APBA1: variants seen among roughly 807,000 people sequenced by gnomAD.
The protein encoded by APBA1 is amyloid-beta A4 precursor protein-binding family A member 1.
In APBA1, 55 loss-of-function variants were observed where a neutral mutation model predicts 86.6. That is an observed-to-expected ratio of 0.64 (90% CI 0.51 to 0.80). The LOEUF is 0.80. Ranked by LOEUF, APBA1 falls within the 30% of genes least tolerant of loss-of-function variation. The pLI is 0.00. For synonymous variants in APBA1, 511 were observed against 493.9 expected (o/e 1.03, Z -0.46); for missense variants, 1,090 against 1,183.0 (o/e 0.92, Z 1.15).
At chr9:69,573,241 G>A (rs1837145392) in intron 1 of APBA1, among the ~76,000 whole-genome samples, 1 of 151,954 alleles carries the variant, frequency 6.6e-6, no homozygotes, top group Non-Finnish European at 1.5e-5. Flanking sequence ...CAGCACTTTG[G>A]GAGGCCAAGG....
chr9:69,593,999 T>C lies in APBA1; in HGVS notation c.-69-76720A>G, dbSNP rs1427395996. Reference sequence around the variant, plus strand: ...TACATTTGCATAACAGCAGAGGCGTTGGATCTTCTGGCGTTAGATTCCGTA... The same window carrying C: ...TACATTTGCATAACAGCAGAGGCGTCGGATCTTCTGGCGTTAGATTCCGTA... On this transcript the variant is annotated intron_variant, in intron 1 of 12. Coordinates refer to ENST00000265381, the MANE Select transcript of APBA1 (RefSeq NM_001163.4). 4.6e-5 allele frequency among the ~76,000 whole-genome samples: 7 copies of C among 152,216 alleles called. No individual in the cohort carries two copies. The East Asian group carries it at 1.2e-3, about 25-fold the overall frequency.
chr9:69,613,984 G>A (rs970197580), intron 1 of APBA1, among the ~76,000 whole-genome samples: 3 of 152,042 alleles, frequency 2.0e-5, no homozygotes, highest in Non-Finnish European at 4.4e-5. Flanking sequence ...GACCTAAGAC[G>A]TAAAGATTTT....
rs866091501 is a variant in APBA1, at chr9:69,558,561, C to T, written c.-69-41282G>A. Among the ~76,000 whole-genome samples the T allele has an allele frequency of 4.4e-3, 632 of 142,834 alleles. 2 individuals carry two copies. The highest frequency in any genetic ancestry group is 0.016 in the African/African-American group (573 of 35,894). 93.7% of individuals were successfully genotyped at this position (142,834 alleles called of 152,430 possible). ...ACACACACATACACACACACACACA[C>T]ATATATATATATATATATATACACA... On this transcript the variant is annotated intron_variant, in intron 1 of 12. Transcript: ENST00000265381.
intron 10 of APBA1, 68 bp downstream of exon 10, chr9:69,449,516 G>T: frequency 7.2e-7 from 1 of 1,381,804 alleles, no homozygotes; most frequent in Non-Finnish European, 1.0e-6. Flanking sequence ...ATTAATGACT[G>T]GATGGGGGTC....
chr9:69,527,979 G>A (rs1836369357), intron 1 of APBA1, among the ~76,000 whole-genome samples: 1 of 152,044 alleles, frequency 6.6e-6, no homozygotes, highest in Non-Finnish European at 1.5e-5. Context: ...CAAATATCAA[G>A]TATATCCCTA....
intron 10 of APBA1, among the ~76,000 whole-genome samples, chr9:69,444,509 A>C (rs1834876602): frequency 6.6e-6 from 1 of 151,964 alleles, no homozygotes; most frequent in Admixed American, 6.6e-5. Context: ...CCCTTCTCCC[A>C]CCTCAATTTC....
intron 2 of APBA1, among the ~76,000 whole-genome samples, chr9:69,490,068 A>C (rs1316956864): frequency 6.6e-6 from 1 of 152,138 alleles, no homozygotes; most frequent in Non-Finnish European, 1.5e-5. Context: ...AAGACTTGGA[A>C]CCAACCCAAA....
rs1435796950 is a variant in APBA1 at position 69,561,645 on chromosome 9, T to TC, written c.-69-44367dup. Among the ~76,000 whole-genome samples, 8 of 151,284 alleles carry TC rather than the reference T, an allele frequency of 5.3e-5. No individual in the cohort carries two copies. In the East Asian group the frequency reaches 1.5e-3, roughly 29 times the overall value. ...TATCTACAGGATTTTTTTTTTTTTT[T>TC]CTGAAACAGAGACTCACTGTGTTGC... is the stretch of plus-strand genomic sequence containing the variant. On this transcript the variant is annotated intron_variant, in intron 1 of 12. Transcript: ENST00000265381.
chr9:69,628,182 T>A (rs1448757832), intron 1 of APBA1, among the ~76,000 whole-genome samples: 1 of 152,140 alleles, frequency 6.6e-6, no homozygotes, highest in Non-Finnish European at 1.5e-5. Flanking sequence ...AGCTAAGTCC[T>A]CAGTCATACA....
intron 1 of APBA1, among the ~76,000 whole-genome samples, chr9:69,573,773 C>T (rs1176130326): frequency 6.6e-6 from 1 of 152,206 alleles, no homozygotes; most frequent in African/African-American, 2.4e-5. Context: ...CTTGGAGGGG[C>T]CTCTGCTGGG....
intron 1 of APBA1, among the ~76,000 whole-genome samples, chr9:69,548,738 A>G (rs978083718): frequency 2.0e-5 from 3 of 152,238 alleles, no homozygotes; most frequent in Non-Finnish European, 4.4e-5. Context: ...TTGGTCACAC[A>G]TGCCCTCAGG....
At chr9:69,662,741 A>T (rs2134027720) in intron 1 of APBA1, among the ~76,000 whole-genome samples, 1 of 152,324 alleles carries the variant, frequency 6.6e-6, no homozygotes, top group South Asian at 2.1e-4. Flanking sequence ...AGCTAGGAAG[A>T]GGGGCAGGAA....
At position 69,516,467 on chromosome 9, in the gene APBA1, G is replaced by A; in HGVS notation, c.744C>T (p.Ser248=). The change falls in exon 2 of 13, where the codon AGC becomes AGT. Residue 248 remains serine, a synonymous_variant. Transcript: ENST00000265381. The surrounding 1 kb of genome is among the most constrained non-coding windows in gnomAD (Gnocchi z 7.3). The part of the protein sequence containing the change: ...YDERSDGESD[S]PEKEAEFAPY... ...GCGCGAACTCGGCCTCCTTCTCGGG[G>A]CTGTCGGACTCGCCGTCGGAGCGCT... The A allele has an allele frequency of 6.2e-7, 1 of 1,602,138 alleles. No homozygotes were observed.
At chr9:69,470,086 G>A (rs1181289964) in intron 4 of APBA1, among the ~76,000 whole-genome samples, 1 of 152,146 alleles carries the variant, frequency 6.6e-6, no homozygotes, top group African/African-American at 2.4e-5. Context: ...GAAATGCCAA[G>A]CATCCAAGAC....
chr9:69,626,726 C>T (rs1290757043), intron 1 of APBA1, among the ~76,000 whole-genome samples: 1 of 152,014 alleles, frequency 6.6e-6, no homozygotes, highest in Non-Finnish European at 1.5e-5. Context: ...GAAACATAAG[C>T]TTTCAAACCC....
intron 1 of APBA1, among the ~76,000 whole-genome samples, chr9:69,659,955 GT>G (rs1286870435): frequency 6.6e-6 from 1 of 152,194 alleles, no homozygotes; most frequent in Non-Finnish European, 1.5e-5. Flanking sequence ...GATACTGTTA[GT>G]GATTTTGGTC....
intron 1 of APBA1, among the ~76,000 whole-genome samples, chr9:69,665,930 T>C (rs1044141557): frequency 2.0e-5 from 3 of 152,178 alleles, no homozygotes; most frequent in Non-Finnish European, 4.4e-5. Context: ...GAGACAGCAT[T>C]TCGCCATGTT....
intron 1 of APBA1, among the ~76,000 whole-genome samples, chr9:69,518,986 CACGG>C (rs1439700524): frequency 6.6e-6 from 1 of 152,190 alleles, no homozygotes; most frequent in Non-Finnish European, 1.5e-5. Flanking sequence ...AGAAAAGAAT[CACGG>C]TTTACAAGAG....
rs1012474437 is a variant in APBA1, at chr9:69,510,170, C to G, written c.1200+5841G>C. Among the ~76,000 whole-genome samples, 4 of 146,006 alleles carry G rather than the reference C, an allele frequency of 2.7e-5. No homozygotes were observed. In the Admixed American group the frequency reaches 2.8e-4, roughly 10 times the overall value. On this transcript the variant is annotated intron_variant, in intron 2 of 12. Coordinates refer to ENST00000265381, the MANE Select transcript of APBA1 (RefSeq NM_001163.4). ...ATGACATGATTGTATATCTAGAAAA[C>G]CCCACTGTCTCAGCCCAAAATCTCC...
Sources: allele counts gnomAD v4.1 joint callset (sites outside exome capture counted in the v4.1 genomes callset), GRCh38; gene constraint gnomAD v4.1.1; non-coding constraint Gnocchi (gnomAD v3.1); transcripts MANE v1.5; gene names NCBI Gene and HGNC (gene_info 2026-07-23, HGNC 2026-07-21).